Variants in PCDHGB4 observed in about 807,000 individuals in gnomAD.
The protein encoded by PCDHGB4 is protocadherin gamma-B4.
A neutral mutation model predicts 60.5 loss-of-function variants in PCDHGB4; 38 were observed. The observed-to-expected ratio is 0.63, with a 90% CI of 0.48 to 0.82. The LOEUF (loss-of-function observed/expected upper bound fraction) is 0.82, where lower values mean the gene tolerates loss of function less well. Among genes scored for constraint, PCDHGB4 ranks in the 40% least tolerant of loss-of-function variants. The probability of loss-of-function intolerance (pLI) is 0.00; values close to 1 mark genes in which losing one functional copy is unlikely to be tolerated. For synonymous variants in PCDHGB4, 456 were observed against 509.7 expected (o/e 0.89, Z 1.42); for missense variants, 1,109 against 1,209.6 (o/e 0.92, Z 1.23).
chr5:141,498,737 G>A (rs1176793634), intron 2 of PCDHGB4, among the ~76,000 whole-genome samples: 1 of 152,076 alleles, frequency 6.6e-6, no homozygotes, highest in African/African-American at 2.4e-5. Context: ...TTTGAGACCA[G>A]CCTGGCCAAC....
chr5:141,472,533 C>A (rs1200612581), intron 1 of PCDHGB4, among the ~76,000 whole-genome samples: 3 of 150,970 alleles, frequency 2.0e-5, no homozygotes, highest in African/African-American at 7.3e-5. Flanking sequence ...GAGTGAGACA[C>A]CATCTCAAGA....
chr5:141,399,442 A>G, intron 1 of PCDHGB4: 1 of 1,613,996 alleles, frequency 6.2e-7, no homozygotes. Context: ...CCTACATATC[A>G]GAGACGTCAA....
At chr5:141,458,345 G>A (rs1161535708) in intron 1 of PCDHGB4, among the ~76,000 whole-genome samples, 2 of 152,112 alleles carry the variant, frequency 1.3e-5, no homozygotes, top group Non-Finnish European at 2.9e-5. Context: ...GGAGTGGAGA[G>A]TTTAATAAGC....
At chr5:141,402,284 T>C (rs2150926780) in intron 1 of PCDHGB4, among the ~76,000 whole-genome samples, 1 of 152,054 alleles carries the variant, frequency 6.6e-6, no homozygotes, top group African/African-American at 2.4e-5. Context: ...GGATAATCTA[T>C]CCTTATATAT....
rs766784928 is a variant in PCDHGB4, at chr5:141,431,447, G to T, written c.2397+41166G>T. ...GCGCACAGGCACCGCGCGCATCCGC[G>T]TGATGGTTCTGGATGCGAACGACAA... On this transcript the variant is annotated intron_variant, in intron 1 of 3. Coordinates refer to ENST00000519479, the MANE Select transcript of PCDHGB4 (RefSeq NM_003736.4). The surrounding 1 kb of genome is among the most constrained non-coding windows in gnomAD (Gnocchi z 4.8). 2 of 1,613,792 alleles carry T rather than the reference G, an allele frequency of 1.2e-6. No individual in the cohort carries two copies. The highest frequency in any genetic ancestry group is 1.7e-6 in the Non-Finnish European group (2 of 1,180,014).
chr5:141,416,306 G>A (rs1186519939), intron 1 of PCDHGB4: 1 of 152,186 alleles, frequency 6.6e-6, no homozygotes, highest in Non-Finnish European at 1.5e-5. Flanking sequence ...CTATGTGGAA[G>A]ATATAGCATT....
Position 141,390,485 on chromosome 5 carries a change from T to G in PCDHGB4, c.2397+204T>G, listed in dbSNP as rs919971230. On this transcript the variant is annotated intron_variant, in intron 1 of 3. Transcript: ENST00000519479. The stretch of plus-strand genomic sequence containing the variant: ...GCAATTGTGTGGCCCAACATTTGTT[T>G]GTTTTTTAGCCAAGCTTAGATTTAT... The G allele has an allele frequency of 1.4e-5, 9 of 656,166 alleles. No homozygotes were observed. The African/African-American group carries it at 1.5e-4, about 11-fold the overall frequency. The allele number at this position is 656,166 out of a possible 1,614,324, so 40.6% of individuals were successfully genotyped here.
At chr5:141,419,722 G>A (rs1194093167) in intron 1 of PCDHGB4, 2 of 1,613,306 alleles carry the variant, frequency 1.2e-6, no homozygotes, top group Admixed American at 1.7e-5. Context: ...GCCTGGGGCT[G>A]CGAACAGGCG....
At position 141,387,721 on chromosome 5, in the gene PCDHGB4, C is replaced by A; in HGVS notation, c.-164C>A. The A allele has an allele frequency of 1.7e-6, 2 of 1,151,790 alleles. No homozygotes were observed. Among genetic ancestry groups the A allele is most frequent in the Non-Finnish European group, 2.4e-6 (2 of 829,178 alleles). The allele number at this position is 1,151,790 out of a possible 1,614,324, so 71.3% of individuals were successfully genotyped here. On this transcript the variant is annotated 5_prime_UTR_variant, in exon 1 of 4. Coordinates refer to ENST00000519479, the MANE Select transcript of PCDHGB4 (RefSeq NM_003736.4). ...CCAGGGCAGCCCCAGCTCAGACTCC[C>A]CAGCGCCAGCCTTTACACCGCTTCC...
At chr5:141,450,516 C>T (rs150995579) in intron 1 of PCDHGB4, among the ~76,000 whole-genome samples, 2,020 of 152,024 alleles carry the variant, frequency 0.013, 56 homozygotes, top group African/African-American at 0.046. Context: ...GATGGAGTCT[C>T]ATTCTTGTCA....
At chr5:141,403,738 T>G in intron 1 of PCDHGB4, 3 of 1,613,930 alleles carry the variant, frequency 1.9e-6, no homozygotes, top group Admixed American at 3.3e-5. Context: ...CCTGGCTGCT[T>G]ACTGCAACAG....
chr5:141,479,435 G>C (rs2099495981), intron 1 of PCDHGB4: 1 of 152,218 alleles, frequency 6.6e-6, no homozygotes, highest in Non-Finnish European at 1.5e-5. Context: ...TCAATCCACT[G>C]TCTGCACTAA....
At chr5:141,400,165 C>T (rs749867110) in intron 1 of PCDHGB4, 2 of 1,614,040 alleles carry the variant, frequency 1.2e-6, no homozygotes, top group South Asian at 2.2e-5. Flanking sequence ...ACCCTCTGAC[C>T]CCCAGGCTGA....
At chr5:141,420,213 G>A in intron 1 of PCDHGB4, 1 of 1,611,648 alleles carries the variant, frequency 6.2e-7, no homozygotes, top group Non-Finnish European at 8.5e-7. Flanking sequence ...AACAAAGATA[G>A]CATGCTACTG....
intron 3 of PCDHGB4, among the ~76,000 whole-genome samples, chr5:141,509,781 T>TCATC (rs1198131164): frequency 6.6e-6 from 1 of 152,116 alleles, no homozygotes; most frequent in Non-Finnish European, 1.5e-5. Flanking sequence ...GTCCCCGAGA[T>TCATC]CATCATCTCC....
rs2093981639 is a variant in PCDHGB4 at position 141,400,215 on chromosome 5, A to G, written c.2397+9934A>G. On this transcript the variant is annotated intron_variant, in intron 1 of 3. Transcript: ENST00000519479. ...TAGTGGTGGCCTTGGCCTTGATCTC[A>G]GTGCTCTTCCTCCTGGCCGTGATTC... 3 of 1,613,736 alleles carry G rather than the reference A, an allele frequency of 1.9e-6. No individual in the cohort carries two copies. The East Asian group carries it at 6.7e-5, about 36-fold the overall frequency.
chr5:141,434,924 A>G (rs2097731722), intron 1 of PCDHGB4, among the ~76,000 whole-genome samples: 1 of 151,756 alleles, frequency 6.6e-6, no homozygotes, highest in African/African-American at 2.4e-5. Context: ...ATGTACATAT[A>G]TTTTATATAA....
intron 2 of PCDHGB4, among the ~76,000 whole-genome samples, chr5:141,500,410 C>G (rs2099800033): frequency 6.6e-6 from 1 of 151,774 alleles, no homozygotes; most frequent in Non-Finnish European, 1.5e-5. Flanking sequence ...GGGGTTTCAC[C>G]GTGTTAGCCA....
In PCDHGB4 at chr5:141,491,867, T is replaced by A. The variant is rs1424221139; in HGVS notation, c.2398-2940T>A. On this transcript the variant is annotated intron_variant, in intron 1 of 3. Transcript: ENST00000519479. The surrounding 1 kb of genome is among the most constrained non-coding windows in gnomAD (Gnocchi z 6.9). ...TTGGACCGTTTGCGCGAAACCAGAG[T>A]GGCCGATTAAGGGATGGGGCTCCGA... 6.9e-7 allele frequency: 1 copy of A among 1,452,218 alleles called. No homozygotes were observed. The highest frequency in any genetic ancestry group is 9.1e-7 in the Non-Finnish European group (1 of 1,099,056). The allele number at this position is 1,452,218 out of a possible 1,614,324, so 90.0% of individuals were successfully genotyped here. A position where few individuals can be genotyped will look rare whatever the true frequency, so the allele number is the denominator to read the frequency against.
Sources: gnomAD v4.1 joint callset for allele counts (sites outside exome capture counted in the v4.1 genomes callset) on GRCh38, gnomAD v4.1.1 for gene constraint, Gnocchi (gnomAD v3.1) non-coding constraint, MANE v1.5 for transcripts, NCBI Gene and HGNC (gene_info 2026-07-23, HGNC 2026-07-21) for gene names.